ADAM22: variants seen among roughly 807,000 people sequenced by gnomAD.
ADAM22 encodes the protein ADAM metallopeptidase domain 22.
Under a neutral mutation model 144.6 loss-of-function variants are expected in ADAM22, and 65 were observed. That is an observed-to-expected ratio of 0.45 (90% CI 0.37 to 0.55). The LOEUF (loss-of-function observed/expected upper bound fraction) is 0.55, where lower values mean the gene tolerates loss of function less well. Among genes scored for constraint, ADAM22 ranks in the 20% least tolerant of loss-of-function variants. ADAM22 has a pLI of 0.00. For missense variants in ADAM22, 974 were observed against 1,184.9 expected, an observed-to-expected ratio of 0.82 and a Z score of 2.61; for synonymous variants, 391 against 412.6, an observed-to-expected ratio of 0.95 and a Z score of 0.63.
At chr7:88,107,158 G>C (rs1198688923) in intron 4 of ADAM22, among the ~76,000 whole-genome samples, 1 of 137,518 alleles carries the variant, frequency 7.3e-6, no homozygotes, top group African/African-American at 2.7e-5. Context: ...TTAGTTTTAT[G>C]TAAAAGAGTA....
intron 2 of ADAM22, among the ~76,000 whole-genome samples, chr7:87,974,952 A>G (rs549825971): frequency 2.6e-5 from 4 of 152,174 alleles, no homozygotes; most frequent in African/African-American, 4.8e-5. Context: ...GTTGCCTTCC[A>G]CTTATAAGGA....
intron 2 of ADAM22, among the ~76,000 whole-genome samples, chr7:87,944,801 T>C (rs1449331693): frequency 6.6e-6 from 1 of 150,670 alleles, no homozygotes; most frequent in Non-Finnish European, 1.5e-5. Flanking sequence ...CTTAGGTCTT[T>C]AAAGGGAAAC....
chr7:88,026,495 A>C (rs1284069097), intron 3 of ADAM22, among the ~76,000 whole-genome samples: 1 of 152,240 alleles, frequency 6.6e-6, no homozygotes, highest in East Asian at 1.9e-4. Flanking sequence ...TGGGAATTAC[A>C]AATTGACATG....
At chr7:88,014,036 A>C (rs1180157385) in intron 3 of ADAM22, among the ~76,000 whole-genome samples, 6 of 152,188 alleles carry the variant, frequency 3.9e-5, no homozygotes, top group Non-Finnish European at 5.9e-5. Context: ...CTATGAAATC[A>C]TAGGTTTGAT....
intron 3 of ADAM22, among the ~76,000 whole-genome samples, chr7:88,024,866 A>G (rs990546685): frequency 6.6e-6 from 1 of 152,080 alleles, no homozygotes; most frequent in African/African-American, 2.4e-5. Context: ...CCATGTCCCT[A>G]CAAAGGACAT....
intron 3 of ADAM22, among the ~76,000 whole-genome samples, chr7:88,012,101 C>G (rs1443412236): frequency 6.6e-6 from 1 of 150,764 alleles, no homozygotes; most frequent in Non-Finnish European, 1.5e-5. Context: ...TTCAAACTCA[C>G]TGATTCTTTC....
At chr7:88,148,381 C>T (rs1449376411) in intron 17 of ADAM22, among the ~76,000 whole-genome samples, 1 of 152,070 alleles carries the variant, frequency 6.6e-6, no homozygotes, top group East Asian at 1.9e-4. Flanking sequence ...ATTTGTATAA[C>T]TCTCACACTT....
chr7:88,031,866 C>T (rs1440477280), intron 3 of ADAM22, among the ~76,000 whole-genome samples: 1 of 152,262 alleles, frequency 6.6e-6, no homozygotes, highest in Non-Finnish European at 1.5e-5. Flanking sequence ...AAAAGGGCCC[C>T]AGATACATCT....
chr7:88,125,725 T>C (rs1408037708), intron 8 of ADAM22, 66 bp downstream of exon 8: 3 of 1,325,662 alleles, frequency 2.3e-6, no homozygotes, highest in Non-Finnish European at 3.1e-6. Context: ...CATTTGAATC[T>C]ACAGTAAGTC....
Position 88,002,461 on chromosome 7 carries a change from G to A in ADAM22, c.323+24049G>A, listed in dbSNP as rs924561101. ...CCCAAACCATGTGAGCTGAATGTGA[G>A]GGAGGGGTGATTTCCCCTTTACCAG... On this transcript the variant is annotated intron_variant, in intron 3 of 31. Coordinates refer to ENST00000413139, the MANE Select transcript of ADAM22 (RefSeq NM_001324418.2). Among the ~76,000 whole-genome samples, 44 of 152,196 alleles carry A rather than the reference G, an allele frequency of 2.9e-4. 1 individual carries two copies. The highest frequency in any genetic ancestry group is 1.0e-3 in the African/African-American group (43 of 41,446).
intron 3 of ADAM22, among the ~76,000 whole-genome samples, chr7:88,039,464 A>AAAAAAAAAATAT: frequency 5.2e-5 from 4 of 76,402 alleles, no homozygotes; most frequent in African/African-American, 1.4e-4. Flanking sequence ...AAAAAAAAAA[A>AAAAAAAAAATAT]ATATATATAT....
At position 88,198,233 on chromosome 7, in the gene ADAM22, C is replaced by A. The variant is rs1369461011; in HGVS notation, c.*1742C>A. ...GTAATCAATTTGATTACATATCATG[C>A]CCAAACTGAAGGGCCGAGTTAGAAG... On this transcript the variant is annotated 3_prime_UTR_variant, in exon 32 of 32. Transcript: ENST00000413139. 1 of 152,132 alleles carries A rather than the reference C, an allele frequency of 6.6e-6. No homozygotes were observed. Among genetic ancestry groups the A allele is most frequent in the Admixed American group, 6.5e-5 (1 of 15,280 alleles). The allele number at this position is 152,132 out of a possible 1,614,324, so 9.4% of individuals were successfully genotyped here.
chr7:88,008,887 A>C (rs954472893), intron 3 of ADAM22, among the ~76,000 whole-genome samples: 65 of 131,656 alleles, frequency 4.9e-4, no homozygotes, highest in Admixed American at 3.1e-3. Context: ...CCTAAAACTT[A>C]AAGTATAATA....
Position 87,995,992 on chromosome 7 carries a change from G to A in ADAM22, c.323+17580G>A, listed in dbSNP as rs1791121642. Among the ~76,000 whole-genome samples, 3 of 152,150 alleles carry A rather than the reference G, an allele frequency of 2.0e-5. No homozygotes were observed. In the South Asian group the frequency reaches 6.2e-4, roughly 32 times the overall value. On this transcript the variant is annotated intron_variant, in intron 3 of 31. Coordinates refer to ENST00000413139, the MANE Select transcript of ADAM22 (RefSeq NM_001324418.2). The stretch of plus-strand genomic sequence containing the variant: ...AAAGAAGATTCCTGCTGAGCCCTCT[G>A]TAACTTTCTGTGACCTGAGATATTG...
intron 5 of ADAM22, among the ~76,000 whole-genome samples, chr7:88,113,846 A>G (rs1826979903): frequency 6.7e-6 from 1 of 149,074 alleles, no homozygotes; most frequent in Non-Finnish European, 1.5e-5. Context: ...GTGCTCTGTA[A>G]ACACGCTGAT....
In ADAM22 at chr7:88,006,872, A is replaced by G. The variant is rs373790373; in HGVS notation, c.323+28460A>G. On this transcript the variant is annotated intron_variant, in intron 3 of 31. Coordinates refer to ENST00000413139, the MANE Select transcript of ADAM22 (RefSeq NM_001324418.2). ...AGGGATGCCCTCTCTCACCACTCCT[A>G]TTCAACATAGTGTTGGAAGTTCTGG... Among the ~76,000 whole-genome samples the G allele has an allele frequency of 5.2e-3, 778 of 150,740 alleles. 9 individuals carry two copies. Among genetic ancestry groups the G allele is most frequent in the East Asian group, 0.046 (235 of 5,082 alleles).
intron 15 of ADAM22, 77 bp from the exon 16 acceptor site, chr7:88,145,048 T>C: frequency 8.1e-7 from 1 of 1,231,372 alleles, no homozygotes; most frequent in Admixed American, 2.2e-5. Context: ...TATATTTGGG[T>C]ATGGCACTTA....
chr7:88,063,533 G>T (rs917880392), intron 3 of ADAM22, among the ~76,000 whole-genome samples: 20 of 152,218 alleles, frequency 1.3e-4, no homozygotes, highest in African/African-American at 4.8e-4. Context: ...CTAGAGAAAG[G>T]ACAGAGAGGA....
At chr7:88,073,394 G>A (rs1813350816) in intron 3 of ADAM22, among the ~76,000 whole-genome samples, 1 of 152,166 alleles carries the variant, frequency 6.6e-6, no homozygotes, top group South Asian at 2.1e-4. Context: ...CATGCTGAGG[G>A]CAGAGCAGAA....
Sources: gnomAD v4.1 joint callset for allele counts (sites outside exome capture counted in the v4.1 genomes callset) on GRCh38, gnomAD v4.1.1 for gene constraint, MANE v1.5 for transcripts, NCBI Gene and HGNC (gene_info 2026-07-23, HGNC 2026-07-21) for gene names.